DERA: variants seen among roughly 807,000 people sequenced by gnomAD.
DERA encodes 2-deoxy-D-ribose 5-phosphate aldolase.
A neutral mutation model predicts 41.1 loss-of-function variants in DERA; 15 were observed. The ratio of observed to expected loss-of-function variants is 0.37; its 90% confidence interval spans 0.24 to 0.56. The LOEUF (loss-of-function observed/expected upper bound fraction) is 0.56, where lower values mean the gene tolerates loss of function less well. Ranked by LOEUF, DERA falls within the 20% of genes least tolerant of loss-of-function variation. DERA has a pLI of 0.81. For missense variants in DERA, 396 were observed against 403.4 expected, an observed-to-expected ratio of 0.98 and a Z score of 0.16; for synonymous variants, 139 against 137.4, an observed-to-expected ratio of 1.01 and a Z score of -0.08.
rs1196299198 is a variant in DERA at position 15,994,543 on chromosome 12, TC to T, written c.637+12110del. 1.4e-4 allele frequency among the ~76,000 whole-genome samples: 22 copies of T among 152,206 alleles called. No homozygotes were observed. Among genetic ancestry groups the T allele is most frequent in the Admixed American group, 1.3e-3 (20 of 15,278 alleles). ...ATCTCTGCTCACTGCAAGCTCTGCC[TC>T]CCGGGTTCACGCCATTCTCCTGCCT... On this transcript the variant is annotated intron_variant, in intron 6 of 8. Coordinates refer to ENST00000428559, the MANE Select transcript of DERA (RefSeq NM_015954.4). The surrounding 1 kb of genome is among the most constrained non-coding windows in gnomAD (Gnocchi z 4.8).
intron 1 of DERA, among the ~76,000 whole-genome samples, chr12:15,912,093 T>C (rs1311168846): frequency 6.6e-6 from 1 of 151,174 alleles, no homozygotes. Flanking sequence ...CATAGGACAG[T>C]AGTGGAGGGA....
intron 1 of DERA, among the ~76,000 whole-genome samples, chr12:15,953,664 T>C (rs1425824402): frequency 2.6e-5 from 4 of 152,188 alleles, no homozygotes; most frequent in African/African-American, 9.6e-5. Context: ...CTTGGCCCCA[T>C]AAGAAGATTC....
At position 15,941,264 on chromosome 12, in the gene DERA, C is replaced by T. The variant is rs573338807; in HGVS notation, c.32-15672C>T. Among the ~76,000 whole-genome samples, 2 of 152,078 alleles carry T rather than the reference C, an allele frequency of 1.3e-5. No individual in the cohort carries two copies. Among genetic ancestry groups the T allele is most frequent in the Non-Finnish European group, 2.9e-5 (2 of 68,020 alleles). ...TGTCTCTTGCATGATTGAGCTCAGG[C>T]CGGGGCTCAACTAGCTGCTATAGCA... On this transcript the variant is annotated intron_variant, in intron 1 of 8. Transcript: ENST00000428559. This position sits in a 1 kb window ranked among gnomAD's most constrained non-coding sequence, Gnocchi z 4.5.
In DERA at chr12:16,013,823, G is replaced by T. The variant is rs1948962711; in HGVS notation, c.638-18719G>T. ...TGGTTTTGACCAGAATGCTGATAGT[G>T]ATTTGGACAATGAAGTCCAGGCTGA... On this transcript the variant is annotated intron_variant, in intron 6 of 8. Transcript: ENST00000428559. This position sits in a 1 kb window ranked among gnomAD's most constrained non-coding sequence, Gnocchi z 5.8. Among the ~76,000 whole-genome samples, 1 of 152,188 alleles carries T rather than the reference G, an allele frequency of 6.6e-6. No homozygotes were observed. Among genetic ancestry groups the T allele is most frequent in the Non-Finnish European group, 1.5e-5 (1 of 68,040 alleles).
intron 5 of DERA, among the ~76,000 whole-genome samples, chr12:15,971,175 AG>A (rs1948657214): frequency 6.6e-6 from 1 of 152,234 alleles, no homozygotes; most frequent in African/African-American, 2.4e-5. Context: ...TTCTGTTTTA[AG>A]GCTTCCATTG....
chr12:15,986,554 ATGT>A (rs1440970587), intron 6 of DERA, among the ~76,000 whole-genome samples: 3 of 152,306 alleles, frequency 2.0e-5, no homozygotes, highest in East Asian at 3.9e-4. Flanking sequence ...CTTGGAATTA[ATGT>A]TGTTTCACTA....
chr12:15,931,427 G>A lies in DERA; in HGVS notation c.31+20013G>A, dbSNP rs1224252135. On this transcript the variant is annotated intron_variant, in intron 1 of 8. Coordinates refer to ENST00000428559, the MANE Select transcript of DERA (RefSeq NM_015954.4). This position sits in a 1 kb window ranked among gnomAD's most constrained non-coding sequence, Gnocchi z 4.6. ...AGAGTTGACTCTTTACCCAACAGGG[G>A]GCCAAAGTTATCCAGCTTCTTGATG... 4.6e-5 allele frequency among the ~76,000 whole-genome samples: 7 copies of A among 152,092 alleles called. No homozygotes were observed. Among genetic ancestry groups the A allele is most frequent in the African/African-American group, 1.4e-4 (6 of 41,402 alleles).
chr12:16,032,486 A>G (rs1949099051), intron 6 of DERA, 56 bp from the exon 7 acceptor site: 2 of 1,026,902 alleles, frequency 1.9e-6, no homozygotes, highest in Non-Finnish European at 1.4e-6. Context: ...CACTGACTCA[A>G]AAGTGTAAAA....
At chr12:15,987,820 A>T (rs942397672) in intron 6 of DERA, among the ~76,000 whole-genome samples, 1 of 151,980 alleles carries the variant, frequency 6.6e-6, no homozygotes, top group East Asian at 1.9e-4. Flanking sequence ...TGTTCCACCC[A>T]CTTGGCCCGG....
In DERA at chr12:15,959,951, T is replaced by C; in HGVS notation, c.373+27T>C. 6.7e-7 allele frequency: 1 copy of C among 1,502,932 alleles called. No individual in the cohort carries two copies. The highest frequency in any genetic ancestry group is 9.0e-7 in the Non-Finnish European group (1 of 1,106,922). The allele number at this position is 1,502,932 out of a possible 1,614,324, so 93.1% of individuals were successfully genotyped here. On this transcript the variant is annotated intron_variant, in intron 4 of 8. Transcript: ENST00000428559. This position sits in a 1 kb window ranked among gnomAD's most constrained non-coding sequence, Gnocchi z 4.5. Reference sequence around the variant, plus strand: ...TAAAATGTGTTGTGGCTTTTGTTGTTATTTTTTAAACATGTTTCCAGTTCT... The same window carrying C: ...TAAAATGTGTTGTGGCTTTTGTTGTCATTTTTTAAACATGTTTCCAGTTCT...
Position 15,931,930 on chromosome 12 carries a change from G to T in DERA, c.31+20516G>T, listed in dbSNP as rs116266610. ...CATACCTGCTACCTTTCACGTGTCC[G>T]CTTCCCCTTTGACCTTTTGCCATGT... On this transcript the variant is annotated intron_variant, in intron 1 of 8. Coordinates refer to ENST00000428559, the MANE Select transcript of DERA (RefSeq NM_015954.4). This position sits in a 1 kb window ranked among gnomAD's most constrained non-coding sequence, Gnocchi z 4.6. 2.4e-3 allele frequency among the ~76,000 whole-genome samples: 369 copies of T among 152,182 alleles called. 1 individual carries two copies. The highest frequency in any genetic ancestry group is 8.6e-3 in the African/African-American group (358 of 41,502).
rs1199976580 is a variant in DERA, at chr12:15,970,295, G to T, written c.508+7348G>T. On this transcript the variant is annotated intron_variant, in intron 5 of 8. Coordinates refer to ENST00000428559, the MANE Select transcript of DERA (RefSeq NM_015954.4). This position sits in a 1 kb window ranked among gnomAD's most constrained non-coding sequence, Gnocchi z 4.3. Reference sequence around the variant, plus strand: ...TATGTTCGTTAACAATTATTTTTAAGTGCCTTTGAATAGCAGGAAATATAG... The same window carrying T: ...TATGTTCGTTAACAATTATTTTTAATTGCCTTTGAATAGCAGGAAATATAG... 6.6e-6 allele frequency among the ~76,000 whole-genome samples: 1 copy of T among 152,150 alleles called. No homozygotes were observed. The highest frequency in any genetic ancestry group is 1.5e-5 in the Non-Finnish European group (1 of 68,026).
chr12:16,031,647 T>G (rs1480422478), intron 6 of DERA, among the ~76,000 whole-genome samples: 2 of 152,200 alleles, frequency 1.3e-5, no homozygotes, highest in Non-Finnish European at 2.9e-5. Context: ...TATCTGACTG[T>G]GTGAACCTAG....
rs1407739773 is a variant in DERA at position 15,985,453 on chromosome 12, T to C, written c.637+3017T>C. The C allele has an allele frequency of 6.6e-6, 1 of 152,212 alleles. No homozygotes were observed. The highest frequency in any genetic ancestry group is 1.5e-5 in the Non-Finnish European group (1 of 68,042). The allele number at this position is 152,212 out of a possible 1,614,324, so 9.4% of individuals were successfully genotyped here. A position where few individuals can be genotyped will look rare whatever the true frequency, so the allele number is the denominator to read the frequency against. On this transcript the variant is annotated intron_variant, in intron 6 of 8. Transcript: ENST00000428559. This position sits in a 1 kb window ranked among gnomAD's most constrained non-coding sequence, Gnocchi z 4.2. ...CTTTCTTTATTCTTGATATTGGTCA[T>C]TTTTGTTTCCTTTCCTGTTGTTGTT...
chr12:15,927,642 C>G (rs1592001842), intron 1 of DERA, among the ~76,000 whole-genome samples: 1 of 151,978 alleles, frequency 6.6e-6, no homozygotes, highest in Non-Finnish European at 1.5e-5. Context: ...ATCAACTTGC[C>G]CATAGTCATA....
In DERA at chr12:15,921,931, TA is replaced by T. The variant is rs1360208880; in HGVS notation, c.31+10519del. Among the ~76,000 whole-genome samples, 1 of 151,904 alleles carries T rather than the reference TA, an allele frequency of 6.6e-6. No individual in the cohort carries two copies. Among genetic ancestry groups the T allele is most frequent in the East Asian group, 1.9e-4 (1 of 5,194 alleles). On this transcript the variant is annotated intron_variant, in intron 1 of 8. Transcript: ENST00000428559. The surrounding 1 kb of genome is among the most constrained non-coding windows in gnomAD (Gnocchi z 5.3). ...ACGAGCAAAACTCCATCTCAGATAA[TA>T]ATAATAATAATAAATAATTTTCCAA...
chr12:15,987,775 A>G (rs1216220213), intron 6 of DERA, among the ~76,000 whole-genome samples: 3 of 151,830 alleles, frequency 2.0e-5, no homozygotes, highest in Admixed American at 6.6e-5. Flanking sequence ...ACCTCCGTGC[A>G]CTTCTGCTTG....
chr12:15,958,567 C>T (rs1351469162), intron 3 of DERA, among the ~76,000 whole-genome samples: 5 of 135,382 alleles, frequency 3.7e-5, no homozygotes, highest in Non-Finnish European at 6.2e-5. Context: ...GATTAAAATG[C>T]TTGGTAGAGA....
At chr12:15,916,614 C>T (rs1297681540) in intron 1 of DERA, among the ~76,000 whole-genome samples, 1 of 151,980 alleles carries the variant, frequency 6.6e-6, no homozygotes, top group African/African-American at 2.4e-5. Flanking sequence ...CCATGCCCAG[C>T]TAGTTTTTGT....
Sources: gnomAD v4.1 joint callset for allele counts (sites outside exome capture counted in the v4.1 genomes callset) on GRCh38, gnomAD v4.1.1 for gene constraint, Gnocchi (gnomAD v3.1) non-coding constraint, MANE v1.5 for transcripts, NCBI Gene and HGNC (gene_info 2026-07-23, HGNC 2026-07-21) for gene names.